RREB1: variants seen among roughly 807,000 people sequenced by gnomAD.
RREB1 encodes the protein ras-responsive element-binding protein 1.
RREB1 carries 27 observed loss-of-function variants against 117.8 expected under a neutral mutation model. The ratio of observed to expected loss-of-function variants is 0.23; its 90% confidence interval spans 0.17 to 0.32. RREB1 has a LOEUF of 0.32. Among genes scored for constraint, RREB1 ranks in the 10% least tolerant of loss-of-function variants. The probability of loss-of-function intolerance (pLI) is 1.00; values close to 1 mark genes in which losing one functional copy is unlikely to be tolerated. For missense variants in RREB1, 2,577 were observed against 2,378.2 expected (o/e 1.08, Z -1.74); for synonymous variants, 1,298 against 1,026.7 (o/e 1.26, Z -5.05).
intron 4 of RREB1, chr6:7,184,361 A>G (rs933415475): frequency 7.3e-5 from 11 of 150,832 alleles, no homozygotes; most frequent in East Asian, 1.9e-4. Flanking sequence ...TTCATAAACT[A>G]TACAGCTAAT....
chr6:7,181,810 C>G, intron 3 of RREB1, 60 bp from the exon 4 acceptor site: 6 of 1,210,312 alleles, frequency 5.0e-6, no homozygotes, highest in Non-Finnish European at 7.3e-6. Flanking sequence ...GCCAGCGCCC[C>G]CTGGCAATGA....
At chr6:7,210,346 C>T (rs958334380) in intron 6 of RREB1, among the ~76,000 whole-genome samples, 3 of 152,174 alleles carry the variant, frequency 2.0e-5, no homozygotes, top group African/African-American at 4.8e-5. Context: ...GCTTCCAAAG[C>T]AGAAAAGAGA....
At chr6:7,206,987 TG>T (rs1766311090) in intron 6 of RREB1, among the ~76,000 whole-genome samples, 1 of 152,194 alleles carries the variant, frequency 6.6e-6, no homozygotes, top group Non-Finnish European at 1.5e-5. Context: ...AGAATGGGAC[TG>T]TCAGAGGAAT....
intron 1 of RREB1, among the ~76,000 whole-genome samples, chr6:7,141,350 A>G (rs1401516913): frequency 1.3e-5 from 2 of 152,172 alleles, no homozygotes; most frequent in Admixed American, 1.3e-4. Flanking sequence ...GCCGCTGGGG[A>G]CACAACCTAA....
At chr6:7,173,060 T>C (rs2113502958) in intron 1 of RREB1, among the ~76,000 whole-genome samples, 1 of 152,264 alleles carries the variant, frequency 6.6e-6, no homozygotes, top group Non-Finnish European at 1.5e-5. Context: ...TCAACTAGGC[T>C]CTTACATAGT....
At chr6:7,153,184 G>A (rs1763199571) in intron 1 of RREB1, among the ~76,000 whole-genome samples, 1 of 146,466 alleles carries the variant, frequency 6.8e-6, no homozygotes, top group Admixed American at 7.1e-5. Context: ...ACTGTTGACA[G>A]CTCATTACCT....
At position 7,148,875 on chromosome 6, in the gene RREB1, A is replaced by G. The variant is rs147534557; in HGVS notation, c.-284-27780A>G. Among the ~76,000 whole-genome samples the G allele has an allele frequency of 7.2e-4, 110 of 152,268 alleles. 1 individual carries two copies. The East Asian group carries it at 0.016, about 22-fold the overall frequency. ...TGCCCAGATTTGTAGAAAAAAAGTT[A>G]TTCATTAACAGATTCAGATGATGTC... is the stretch of plus-strand genomic sequence containing the variant. On this transcript the variant is annotated intron_variant, in intron 1 of 12. Transcript: ENST00000379938.
intron 6 of RREB1, among the ~76,000 whole-genome samples, chr6:7,192,206 T>G (rs1231081549): frequency 1.3e-5 from 2 of 151,520 alleles, no homozygotes; most frequent in East Asian, 1.9e-4. Context: ...TCGTTTGTTT[T>G]TTTTGAGATA....
chr6:7,248,493 T>A lies in RREB1; in HGVS notation c.4772-18T>A. ...GGTGCCTTTTGGTTAATGGAAATTC[T>A]TTCTTCCATTGTTCCAGGGGAAAGG... On this transcript the variant is annotated intron_variant, in intron 12 of 12. Transcript: ENST00000379938. 6.2e-7 allele frequency: 1 copy of A among 1,608,708 alleles called. No homozygotes were observed. Among genetic ancestry groups the A allele is most frequent in the Non-Finnish European group, 8.5e-7 (1 of 1,175,350 alleles).
At chr6:7,165,100 G>A (rs1192728234) in intron 1 of RREB1, among the ~76,000 whole-genome samples, 1 of 152,254 alleles carries the variant, frequency 6.6e-6, no homozygotes, top group African/African-American at 2.4e-5. Flanking sequence ...GGCACAAGGA[G>A]TGCTATCCGT....
At chr6:7,245,233 T>G (rs1235910682) in intron 11 of RREB1, among the ~76,000 whole-genome samples, 1 of 151,978 alleles carries the variant, frequency 6.6e-6, no homozygotes, top group East Asian at 1.9e-4. Context: ...CCATCTCTAC[T>G]AAAAATACAA....
intron 3 of RREB1, chr6:7,181,502 A>G (rs9406002): frequency 0.23 from 105,811 of 470,082 alleles, 13,065 homozygotes; most frequent in African/African-American, 0.37. Context: ...AGTAGTGAAT[A>G]AGCCTAGGTT....
At chr6:7,123,483 T>C (rs1012763087) in intron 1 of RREB1, among the ~76,000 whole-genome samples, 2 of 150,428 alleles carry the variant, frequency 1.3e-5, no homozygotes, top group African/African-American at 4.9e-5. Context: ...GTATTTTACA[T>C]AAAGCTCCTG....
intron 1 of RREB1, among the ~76,000 whole-genome samples, chr6:7,114,476 G>GGT (rs1561722511): frequency 6.6e-6 from 1 of 151,864 alleles, no homozygotes; most frequent in Non-Finnish European, 1.5e-5. Flanking sequence ...GGTGGGGGGG[G>GGT]GGGCGGCAGC....
intron 6 of RREB1, among the ~76,000 whole-genome samples, chr6:7,203,159 AC>A (rs1002315073): frequency 6.6e-6 from 1 of 152,082 alleles, no homozygotes; most frequent in African/African-American, 2.4e-5. Flanking sequence ...ACACCTCTCT[AC>A]CCCCTACTGG....
At chr6:7,227,098 A>G (rs1767626695) in intron 9 of RREB1, among the ~76,000 whole-genome samples, 1 of 152,146 alleles carries the variant, frequency 6.6e-6, no homozygotes, top group Admixed American at 6.5e-5. Context: ...AAAATTAGCC[A>G]GGCGTGGTGG....
intron 8 of RREB1, among the ~76,000 whole-genome samples, chr6:7,220,249 A>T (rs1482504480): frequency 6.6e-6 from 1 of 152,232 alleles, no homozygotes; most frequent in African/African-American, 2.4e-5. Flanking sequence ...TTTCTGGGTG[A>T]AACAGGCTCT....
intron 1 of RREB1, among the ~76,000 whole-genome samples, chr6:7,132,768 G>A (rs1762203739): frequency 6.6e-6 from 1 of 152,088 alleles, no homozygotes; most frequent in Admixed American, 6.6e-5. Flanking sequence ...ATTGTAGAGT[G>A]TAATATAACA....
In RREB1 at chr6:7,230,829, C is replaced by T. The variant is rs766933276; in HGVS notation, c.2730C>T (p.Val910=). 6.2e-6 allele frequency: 10 copies of T among 1,614,132 alleles called. No individual in the cohort carries two copies. Among genetic ancestry groups the T allele is most frequent in the Non-Finnish European group, 8.5e-6 (10 of 1,180,054 alleles). ...LDFSQKGLAL[V]QVKQENISFL... is the part of the protein sequence containing the mutation. ...TCTCGCAGAAGGGCCTGGCCCTGGT[C>T]CAAGTGAAGCAGGAAAACATCTCCT... Residue 910 remains valine (V), a synonymous_variant, in exon 10 of 13, where the codon GTC becomes GTT. Transcript: ENST00000379938.
Sources: gnomAD v4.1 joint callset for allele counts (sites outside exome capture counted in the v4.1 genomes callset) on GRCh38, gnomAD v4.1.1 for gene constraint, MANE v1.5 for transcripts, NCBI Gene and HGNC (gene_info 2026-07-23, HGNC 2026-07-21) for gene names.